PPP1R9A: variants seen among roughly 807,000 people sequenced by gnomAD.
PPP1R9A encodes neurabin-1.
A neutral mutation model predicts 141.9 loss-of-function variants in PPP1R9A; 59 were observed. That is an observed-to-expected ratio of 0.42 (90% CI 0.34 to 0.52). PPP1R9A has a LOEUF of 0.52. Ranked by LOEUF, PPP1R9A falls within the 20% of genes least tolerant of loss-of-function variation. The pLI, the probability that PPP1R9A is intolerant of heterozygous loss-of-function variation, is 0.10. For missense variants in PPP1R9A, 1,444 were observed against 1,611.9 expected (o/e 0.90, Z 1.78); for synonymous variants, 500 against 569.7 (o/e 0.88, Z 1.74).
intron 2 of PPP1R9A, among the ~76,000 whole-genome samples, chr7:95,020,260 C>A (rs1325663079): frequency 6.6e-6 from 1 of 152,032 alleles, no homozygotes; most frequent in Non-Finnish European, 1.5e-5. Flanking sequence ...TGCTTGTTAT[C>A]TTAGGTGTAG....
chr7:95,223,242 G>C, intron 7 of PPP1R9A, among the ~76,000 whole-genome samples: 1 of 151,830 alleles, frequency 6.6e-6, no homozygotes, highest in East Asian at 1.9e-4. Context: ...GGGAAGGAGA[G>C]GATACTGGCA....
rs1372374675 is a variant in PPP1R9A, at chr7:95,295,571, C to T, written c.*5268C>T. 4 of 152,134 alleles carry T rather than the reference C, an allele frequency of 2.6e-5. No homozygotes were observed. The highest frequency in any genetic ancestry group is 1.9e-4 in the East Asian group (1 of 5,190). The allele number at this position is 152,134 out of a possible 1,614,324, so 9.4% of individuals were successfully genotyped here. A position where few individuals can be genotyped will look rare whatever the true frequency, so the allele number is the denominator to read the frequency against. ...ATGATGAATGTTGCCATCATATGATCATTTATTTACTTTTTGTGCAAGCAA... is the reference window on the plus strand; with the variant it reads ...ATGATGAATGTTGCCATCATATGATTATTTATTTACTTTTTGTGCAAGCAA... On this transcript the variant is annotated 3_prime_UTR_variant, in exon 20 of 20. Coordinates refer to ENST00000433360, the MANE Select transcript of PPP1R9A (RefSeq NM_001166160.2).
At chr7:95,229,993 T>G (rs1367156004) in intron 8 of PPP1R9A, among the ~76,000 whole-genome samples, 1 of 152,140 alleles carries the variant, frequency 6.6e-6, no homozygotes, top group Admixed American at 6.5e-5. Flanking sequence ...CACAGTACTC[T>G]TTGCAGATAC....
At chr7:95,199,523 A>G (rs1789065217) in intron 6 of PPP1R9A, among the ~76,000 whole-genome samples, 1 of 152,226 alleles carries the variant, frequency 6.6e-6, no homozygotes, top group African/African-American at 2.4e-5. Context: ...ATCCCAATGT[A>G]TATTAAGATC....
intron 4 of PPP1R9A, among the ~76,000 whole-genome samples, chr7:95,132,882 T>G (rs1824920828): frequency 6.6e-6 from 1 of 152,130 alleles, no homozygotes; most frequent in Non-Finnish European, 1.5e-5. Context: ...GAGCCCCAAG[T>G]GCTGTTACAG....
At chr7:95,263,977 T>C (rs2153036907) in intron 12 of PPP1R9A, among the ~76,000 whole-genome samples, 1 of 152,306 alleles carries the variant, frequency 6.6e-6, no homozygotes, top group African/African-American at 2.4e-5. Flanking sequence ...ATGACTGTTT[T>C]GCAATTGAGG....
At chr7:95,287,615 A>G (rs894960910) in intron 18 of PPP1R9A, among the ~76,000 whole-genome samples, 5 of 152,170 alleles carry the variant, frequency 3.3e-5, no homozygotes, top group Non-Finnish European at 7.4e-5. Context: ...ACTCCTAACT[A>G]TTGAGCTCTA....
intron 2 of PPP1R9A, among the ~76,000 whole-genome samples, chr7:94,975,667 C>T (rs1799370627): frequency 6.6e-6 from 1 of 151,826 alleles, no homozygotes; most frequent in African/African-American, 2.4e-5. Context: ...AAATATTTTT[C>T]ACCCAAATGT....
chr7:95,081,722 A>T (rs919593218), intron 2 of PPP1R9A, among the ~76,000 whole-genome samples: 4 of 152,222 alleles, frequency 2.6e-5, no homozygotes, highest in Admixed American at 6.5e-5. Context: ...TCCTCTTCAT[A>T]AAAGCAATAC....
At chr7:94,963,352 A>G (rs1372707818) in intron 2 of PPP1R9A, among the ~76,000 whole-genome samples, 1 of 152,088 alleles carries the variant, frequency 6.6e-6, no homozygotes, top group Non-Finnish European at 1.5e-5. Context: ...TCTATTTTTT[A>G]TAGCAGCTTT....
rs201488364 is a variant in PPP1R9A at position 95,077,989 on chromosome 7, TTA to T, written c.1396-33269_1396-33268del. 9.0e-3 allele frequency among the ~76,000 whole-genome samples: 1,347 copies of T among 148,976 alleles called. 25 individuals are homozygous for T. The highest frequency in any genetic ancestry group is 0.032 in the African/African-American group (1,255 of 38,754). The stretch of plus-strand genomic sequence containing the variant: ...ATCTTCTACTCTGTTTTTTTTTTTT[TTA>T]ATTATACTTTTAAGTTTTAGGGTAC... On this transcript the variant is annotated intron_variant, in intron 2 of 19. Transcript: ENST00000433360.
chr7:94,961,343 A>G (rs1321416694), intron 2 of PPP1R9A, among the ~76,000 whole-genome samples: 1 of 151,666 alleles, frequency 6.6e-6, no homozygotes, highest in Non-Finnish European at 1.5e-5. Flanking sequence ...GAATAATAAT[A>G]TTAGTATTAT....
At chr7:95,220,951 C>T (rs1324261341) in intron 7 of PPP1R9A, among the ~76,000 whole-genome samples, 1 of 151,900 alleles carries the variant, frequency 6.6e-6, no homozygotes, top group Non-Finnish European at 1.5e-5. Flanking sequence ...TGGTGCCTAC[C>T]CCAAACTGGG....
intron 2 of PPP1R9A, among the ~76,000 whole-genome samples, chr7:94,973,749 C>T (rs1369568477): frequency 4.2e-5 from 6 of 144,230 alleles, no homozygotes; most frequent in Non-Finnish European, 9.0e-5. Flanking sequence ...GAAAATGTCT[C>T]GCTCTATTGC....
chr7:94,975,356 G>GTTTTTTTT (rs68186534), intron 2 of PPP1R9A, among the ~76,000 whole-genome samples: 12 of 120,756 alleles, frequency 9.9e-5, no homozygotes, highest in Middle Eastern at 4.8e-3. Context: ...GTTTTTTTTT[G>GTTTTTTTT]TTTTTTTTTT....
chr7:95,046,239 C>A (rs1809995842), intron 2 of PPP1R9A, among the ~76,000 whole-genome samples: 1 of 151,968 alleles, frequency 6.6e-6, no homozygotes, highest in South Asian at 2.1e-4. Context: ...TGCCACCACG[C>A]CTGGCTAATT....
chr7:95,131,407 A>G (rs753436590), intron 4 of PPP1R9A, among the ~76,000 whole-genome samples: 3 of 152,108 alleles, frequency 2.0e-5, no homozygotes, highest in Non-Finnish European at 4.4e-5. Context: ...CCAATCTTTG[A>G]TATGTCTTAA....
chr7:94,965,771 CT>C (rs1414055805), intron 2 of PPP1R9A, among the ~76,000 whole-genome samples: 3 of 149,298 alleles, frequency 2.0e-5, no homozygotes, highest in Admixed American at 2.0e-4. Flanking sequence ...TAGCTTTGTT[CT>C]TTTTGCTTAG....
intron 2 of PPP1R9A, among the ~76,000 whole-genome samples, chr7:94,988,072 T>G (rs2151399537): frequency 6.6e-6 from 1 of 152,216 alleles, no homozygotes; most frequent in African/African-American, 2.4e-5. Flanking sequence ...CCTGGACACT[T>G]GTGGGCTAAA....
Sources: allele counts gnomAD v4.1 joint callset (sites outside exome capture counted in the v4.1 genomes callset), GRCh38; gene constraint gnomAD v4.1.1; transcripts MANE v1.5; gene names NCBI Gene and HGNC (gene_info 2026-07-23, HGNC 2026-07-21).